Variants in PAFAH1B2 observed in about 807,000 individuals in gnomAD.
The protein encoded by PAFAH1B2 is platelet-activating factor acetylhydrolase IB subunit alpha2.
In PAFAH1B2, 8 loss-of-function variants were observed where a neutral mutation model predicts 28.0. The observed-to-expected ratio is 0.29, with a 90% CI of 0.17 to 0.52. The LOEUF (loss-of-function observed/expected upper bound fraction) is 0.52. PAFAH1B2 is among the 20% of genes least tolerant of loss of function. The pLI, the probability that PAFAH1B2 is intolerant of heterozygous loss-of-function variation, is 0.97. For missense variants in PAFAH1B2, 190 were observed against 282.6 expected (o/e 0.67, Z 2.35); for synonymous variants, 104 against 103.2 (o/e 1.01, Z -0.05).
At chr11:117,152,560 G>GC in intron 2 of PAFAH1B2, 32 bp downstream of exon 2, 11 of 1,430,800 alleles carry the variant, frequency 7.7e-6, no homozygotes, top group Non-Finnish European at 1.1e-5. Context: ...TCATTCACAT[G>GC]AGTTGAGTCT....
chr11:117,172,383 TATATATATATATATATATATA>T (rs1170132286), downstream of PAFAH1B2, among the ~76,000 whole-genome samples: 372 of 3,080 alleles, frequency 0.12, 8 homozygotes, highest in East Asian at 0.22. Flanking sequence ...TATATATATA[TATATATATATATATATATATA>T]TTTTTTTTTT....
chr11:117,158,552 A>G (rs1422411564), intron 2 of PAFAH1B2, among the ~76,000 whole-genome samples: 1 of 151,942 alleles, frequency 6.6e-6, no homozygotes, highest in Admixed American at 6.6e-5. Context: ...AGAAAATGAT[A>G]TAATACTTTA....
chr11:117,174,164 T>TTGTGTGTGTG (rs55735449), downstream of PAFAH1B2, among the ~76,000 whole-genome samples: 13,013 of 138,720 alleles, frequency 0.094, 743 homozygotes, highest in Non-Finnish European at 0.13. Context: ...TTCATGTCTT[T>TTGTGTGTGTG]TGTGTGTGTG....
Position 117,154,153 on chromosome 11 carries a change from A to AT in PAFAH1B2, c.81+1631dup, listed in dbSNP as rs1956214691. On this transcript the variant is annotated intron_variant, in intron 2 of 5. Transcript: ENST00000527958. ...GAAGTATACCACAGTTGATTTGCCCATTTTTTCTTTCATGGACATCTGGAT... is the reference window on the plus strand; with the variant it reads ...GAAGTATACCACAGTTGATTTGCCCATTTTTTTCTTTCATGGACATCTGGAT... Among the ~76,000 whole-genome samples, 13 of 151,932 alleles carry AT rather than the reference A, an allele frequency of 8.6e-5. No homozygotes were observed. The South Asian group carries it at 2.5e-3, about 29-fold the overall frequency.
intron 5 of PAFAH1B2, 83 bp downstream of exon 5, chr11:117,163,975 A>G (rs1956438730): frequency 7.0e-7 from 1 of 1,419,992 alleles, no homozygotes; most frequent in South Asian, 1.2e-5. Context: ...GCTCATGAAT[A>G]TTAGAGAACC....
chr11:117,175,598 T>A, downstream of PAFAH1B2: 8 of 1,185,390 alleles, frequency 6.7e-6, no homozygotes, highest in South Asian at 2.5e-4. Context: ...ATAGTGATAG[T>A]CCACAGTTGT....
chr11:117,150,300 C>T (rs1202014254), intron 1 of PAFAH1B2, among the ~76,000 whole-genome samples: 1 of 152,094 alleles, frequency 6.6e-6, no homozygotes, highest in Non-Finnish European at 1.5e-5. Context: ...AGGCGTGTTC[C>T]ACCATGCCCG....
chr11:117,169,128 T>G lies in PAFAH1B2; in HGVS notation c.*1429T>G, dbSNP rs2134221812. 2.0e-6 allele frequency: 2 copies of G among 1,023,726 alleles called. No individual in the cohort carries two copies. The highest frequency in any genetic ancestry group is 2.3e-6 in the Non-Finnish European group (2 of 852,834). The allele number at this position is 1,023,726 out of a possible 1,614,324, so 63.4% of individuals were successfully genotyped here. A position where few individuals can be genotyped will look rare whatever the true frequency, so the allele number is the denominator to read the frequency against. On this transcript the variant is annotated 3_prime_UTR_variant, in exon 6 of 6. Coordinates refer to ENST00000527958, the MANE Select transcript of PAFAH1B2 (RefSeq NM_002572.4). ...TTTTTAAATTATCCTCCAAAAATTTTGGGCCTTTTTCTGTGGGGAAACAAG... is the reference window on the plus strand; with the variant it reads ...TTTTTAAATTATCCTCCAAAAATTTGGGGCCTTTTTCTGTGGGGAAACAAG...
At position 117,167,710 on chromosome 11, in the gene PAFAH1B2, T is replaced by G. The variant is rs185651296; in HGVS notation, c.*11T>G. 1.3e-6 allele frequency: 2 copies of G among 1,527,902 alleles called. No individual in the cohort carries two copies. The highest frequency in any genetic ancestry group is 1.8e-6 in the Non-Finnish European group (2 of 1,131,304). The allele number at this position is 1,527,902 out of a possible 1,614,324, so 94.6% of individuals were successfully genotyped here. Reference sequence around the variant, plus strand: ...ACCACCATTGCCTGACTGGCTCTTATCAGTGTTAATAGCATCTCAGCTTCC... The same window carrying G: ...ACCACCATTGCCTGACTGGCTCTTAGCAGTGTTAATAGCATCTCAGCTTCC... On this transcript the variant is annotated 3_prime_UTR_variant, in exon 6 of 6. Transcript: ENST00000527958.
At chr11:117,175,793 G>C (rs976221840), downstream of PAFAH1B2, 59 of 1,156,062 alleles carry the variant, frequency 5.1e-5, 1 homozygote, top group Admixed American at 1.2e-3. Context: ...CCAACTTAGA[G>C]TAGTGGTGCT....
chr11:117,158,684 G>A (rs1261109503), intron 2 of PAFAH1B2, among the ~76,000 whole-genome samples: 1 of 127,382 alleles, frequency 7.9e-6, no homozygotes, highest in African/African-American at 3.0e-5. Flanking sequence ...CGCTCTTGTC[G>A]CCTAGGCTGG....
At position 117,168,971 on chromosome 11, in the gene PAFAH1B2, A is replaced by G; in HGVS notation, c.*1272A>G. ...ATGCCCGGCTAATTTTTATATTTTT[A>G]TTAGAGACGGGATTTCGCCATGTTA... On this transcript the variant is annotated 3_prime_UTR_variant, in exon 6 of 6. Transcript: ENST00000527958. 3.1e-6 allele frequency: 1 copy of G among 318,014 alleles called. No homozygotes were observed. The highest frequency in any genetic ancestry group is 4.8e-6 in the Non-Finnish European group (1 of 210,494). The allele number at this position is 318,014 out of a possible 1,614,324, so 19.7% of individuals were successfully genotyped here. A position where few individuals can be genotyped will look rare whatever the true frequency, so the allele number is the denominator to read the frequency against.
At chr11:117,149,461 C>G (rs1956096218) in intron 1 of PAFAH1B2, among the ~76,000 whole-genome samples, 1 of 54,632 alleles carries the variant, frequency 1.8e-5, no homozygotes, top group Non-Finnish European at 3.7e-5. Flanking sequence ...GAGTCTCGCT[C>G]TGTCCCCCAG....
At chr11:117,165,571 T>G (rs1003041232) in intron 5 of PAFAH1B2, among the ~76,000 whole-genome samples, 1 of 152,150 alleles carries the variant, frequency 6.6e-6, no homozygotes, top group South Asian at 2.1e-4. Context: ...CACAGTCTAG[T>G]GTATGGAGAC....
At chr11:117,171,509 C>G (rs990753490), downstream of PAFAH1B2, 27 of 576,966 alleles carry the variant, frequency 4.7e-5, no homozygotes, top group African/African-American at 4.7e-4. Flanking sequence ...GCACTCCAGC[C>G]TGGGCAACAG....
downstream of PAFAH1B2, among the ~76,000 whole-genome samples, chr11:117,171,978 C>T (rs1370562438): frequency 6.6e-6 from 1 of 152,066 alleles, no homozygotes; most frequent in Non-Finnish European, 1.5e-5. Context: ...CTCCTGGAGG[C>T]CTTTGTCAGC....
At chr11:117,150,390 T>G (rs568793376) in intron 1 of PAFAH1B2, among the ~76,000 whole-genome samples, 2 of 152,176 alleles carry the variant, frequency 1.3e-5, no homozygotes, top group Admixed American at 1.3e-4. Flanking sequence ...CCTCAAGCGA[T>G]CCACCTGCTT....
In PAFAH1B2 at chr11:117,170,496, T is replaced by C; in HGVS notation, c.*2797T>C. 1 of 1,059,340 alleles carries C rather than the reference T, an allele frequency of 9.4e-7. No individual in the cohort carries two copies. Among genetic ancestry groups the C allele is most frequent in the Middle Eastern group, 4.2e-4 (1 of 2,368 alleles). 65.6% of individuals were successfully genotyped at this position (1,059,340 alleles called of 1,614,324 possible). A position where few individuals can be genotyped will look rare whatever the true frequency, so the allele number is the denominator to read the frequency against. On this transcript the variant is annotated 3_prime_UTR_variant, in exon 6 of 6. Transcript: ENST00000527958. The stretch of plus-strand genomic sequence containing the variant: ...TTCTCGGTCGCCGTAGACAGCGCTC[T>C]GGCTACCACCGTGAGGCTACTTGAA...
intron 1 of PAFAH1B2, among the ~76,000 whole-genome samples, chr11:117,148,454 T>C (rs1956067212): frequency 1.3e-5 from 2 of 152,214 alleles, no homozygotes; most frequent in Non-Finnish European, 2.9e-5. Context: ...CCTGTGTTGT[T>C]TACCAGCTCT....
Sources: allele counts gnomAD v4.1 joint callset (sites outside exome capture counted in the v4.1 genomes callset), GRCh38; gene constraint gnomAD v4.1.1; transcripts MANE v1.5; gene names NCBI Gene and HGNC (gene_info 2026-07-23, HGNC 2026-07-21).